C3orf70: variants seen among roughly 807,000 people sequenced by gnomAD.
C3orf70 encodes chromosome 3 open reading frame 70.
A neutral mutation model predicts 20.7 loss-of-function variants in C3orf70; 15 were observed. The ratio of observed to expected loss-of-function variants is 0.72; its 90% CI spans 0.48 to 1.11. C3orf70 has a LOEUF of 1.11. Among genes scored for constraint, C3orf70 ranks in the 50% most tolerant of loss-of-function variants. The pLI is 0.00. For synonymous variants in C3orf70, 161 were observed against 125.7 expected (o/e 1.28, Z -1.88); for missense variants, 332 against 317.6 (o/e 1.05, Z -0.34).
At chr3:185,134,989 G>A (rs1473462911) in intron 1 of C3orf70, among the ~76,000 whole-genome samples, 4 of 152,096 alleles carry the variant, frequency 2.6e-5, no homozygotes, top group Non-Finnish European at 5.9e-5. Flanking sequence ...TGAGGATGCA[G>A]CCCCTTCCCC....
intron 1 of C3orf70, among the ~76,000 whole-genome samples, chr3:185,146,864 G>T (rs976481891): frequency 6.6e-6 from 1 of 152,170 alleles, no homozygotes; most frequent in African/African-American, 2.4e-5. Context: ...CTAACGAAAA[G>T]AAGTATATTT....
intron 1 of C3orf70, among the ~76,000 whole-genome samples, chr3:185,149,406 A>AC (rs967953707): frequency 7.2e-5 from 11 of 151,866 alleles, no homozygotes; most frequent in African/African-American, 1.2e-4. Context: ...AAAAAAAAAA[A>AC]AAAAAACAGT....
chr3:185,099,392 A>AG (rs1201677982), intron 1 of C3orf70, among the ~76,000 whole-genome samples: 3 of 152,242 alleles, frequency 2.0e-5, no homozygotes, highest in African/African-American at 7.2e-5. Context: ...AAACTCTACA[A>AG]GCCAGAAGAG....
At position 185,083,215 on chromosome 3, in the gene C3orf70, G is replaced by C. The variant is rs1422580197; in HGVS notation, c.545C>G (p.Ser182Cys). The C allele has an allele frequency of 6.2e-7, 1 of 1,614,070 alleles. No individual in the cohort carries two copies. The highest frequency in any genetic ancestry group is 8.5e-7 in the Non-Finnish European group (1 of 1,180,036). ...AGAGTCCTCAGAACTTGAGGGAGAA[G>C]AGCAGTGATCTATTTTTGGTGTATT... ...ESNTPKIDHC[S>C]SPSSSEDSGI... Residue 182 changes from serine (S) to cysteine (C), a missense_variant, in exon 2 of 2, where the codon TCT becomes TGT. Transcript: ENST00000335012.
At chr3:185,149,107 T>C (rs1177932748) in intron 1 of C3orf70, among the ~76,000 whole-genome samples, 2 of 152,130 alleles carry the variant, frequency 1.3e-5, no homozygotes, top group Non-Finnish European at 2.9e-5. Context: ...GTAAATACAG[T>C]ATGGGCTGGG....
intron 1 of C3orf70, among the ~76,000 whole-genome samples, chr3:185,084,692 G>C (rs778928548): frequency 5.9e-5 from 9 of 152,120 alleles, no homozygotes; most frequent in Middle Eastern, 3.2e-3. Flanking sequence ...AGTTGACATG[G>C]AAGTAAAACC....
chr3:185,079,334 A>G lies in C3orf70; in HGVS notation c.*3673T>C, dbSNP rs1407345134. 6.6e-6 allele frequency: 1 copy of G among 151,190 alleles called. No individual in the cohort carries two copies. Among genetic ancestry groups the G allele is most frequent in the Admixed American group, 6.6e-5 (1 of 15,182 alleles). The allele number at this position is 151,190 out of a possible 1,614,324, so 9.4% of individuals were successfully genotyped here. On this transcript the variant is annotated 3_prime_UTR_variant, in exon 2 of 2. Coordinates refer to ENST00000335012, the MANE Select transcript of C3orf70 (RefSeq NM_001025266.3). Reference sequence around the variant, plus strand: ...AGCCACCACTCCCAAGATAGAATCAAATCCAAAAAGTATTTCAGGAAAGCA... The same window carrying G: ...AGCCACCACTCCCAAGATAGAATCAGATCCAAAAAGTATTTCAGGAAAGCA...
chr3:185,091,947 ATATATATATATATATATTT>A (rs1395542881), intron 1 of C3orf70, among the ~76,000 whole-genome samples: 175 of 14,118 alleles, frequency 0.012, 15 homozygotes, highest in East Asian at 0.036. Context: ...ATATATATAT[ATATATATATATATATATTT>A]TTTTTTTTTT....
chr3:185,103,409 C>G (rs1715859439), intron 1 of C3orf70, among the ~76,000 whole-genome samples: 1 of 151,994 alleles, frequency 6.6e-6, no homozygotes, highest in Non-Finnish European at 1.5e-5. Flanking sequence ...ACGGAGTAAA[C>G]AGACCACATA....
intron 1 of C3orf70, among the ~76,000 whole-genome samples, chr3:185,143,809 G>C (rs962515014): frequency 4.6e-5 from 7 of 152,104 alleles, no homozygotes; most frequent in Non-Finnish European, 1.0e-4. Flanking sequence ...CATAGGATGA[G>C]CTCTATAATA....
chr3:185,118,022 A>G (rs1716218229), intron 1 of C3orf70, among the ~76,000 whole-genome samples: 1 of 152,196 alleles, frequency 6.6e-6, no homozygotes. Context: ...TGCATTTATC[A>G]CAACTATAGT....
chr3:185,124,405 G>A (rs67800583), intron 1 of C3orf70, among the ~76,000 whole-genome samples: 18,492 of 152,212 alleles, frequency 0.12, 1,553 homozygotes, highest in African/African-American at 0.23. Context: ...AATGAACAGT[G>A]AAGTTGGAAG....
intron 1 of C3orf70, among the ~76,000 whole-genome samples, chr3:185,148,482 T>A (rs1236459069): frequency 6.6e-6 from 1 of 152,126 alleles, no homozygotes; most frequent in East Asian, 1.9e-4. Context: ...ACCTCAAATA[T>A]CTCTCAAATA....
rs533247381 is a variant in C3orf70, at chr3:185,125,102, G to A, written c.196+27526C>T. ...CACCACTTTGAAAAACAGTTTGGCCGGGCGCAGTGGCTCACGCCTGCAATC... is the reference window on the plus strand; with the variant it reads ...CACCACTTTGAAAAACAGTTTGGCCAGGCGCAGTGGCTCACGCCTGCAATC... On this transcript the variant is annotated intron_variant, in intron 1 of 1. Transcript: ENST00000335012. Among the ~76,000 whole-genome samples the A allele has an allele frequency of 5.9e-5, 9 of 152,210 alleles. 1 individual carries two copies. In the South Asian group the frequency reaches 6.2e-4, roughly 11 times the overall value.
intron 1 of C3orf70, among the ~76,000 whole-genome samples, chr3:185,146,032 G>A (rs1716867512): frequency 1.3e-5 from 2 of 151,908 alleles, no homozygotes; most frequent in South Asian, 4.2e-4. Flanking sequence ...TCTATCTCTG[G>A]AAGAACCTAT....
intron 1 of C3orf70, among the ~76,000 whole-genome samples, chr3:185,119,595 G>C (rs17223051): frequency 0.31 from 47,149 of 151,992 alleles, 8,627 homozygotes; most frequent in Non-Finnish European, 0.43. Context: ...AACTGAAAAG[G>C]CATGTCTAAA....
At chr3:185,149,422 C>T (rs1716944968) in intron 1 of C3orf70, among the ~76,000 whole-genome samples, 1 of 146,118 alleles carries the variant, frequency 6.8e-6, no homozygotes, top group South Asian at 2.2e-4. Flanking sequence ...ACAGTAAATA[C>T]AGTATGATTG....
In C3orf70 at chr3:185,113,802, T is replaced by C. The variant is rs114973941; in HGVS notation, c.197-30239A>G. Among the ~76,000 whole-genome samples the C allele has an allele frequency of 2.5e-3, 386 of 152,340 alleles. 1 individual carries two copies. Among genetic ancestry groups the C allele is most frequent in the African/African-American group, 9.1e-3 (379 of 41,580 alleles). ...GGGAAGGGGGAGGTACATGGCTTAG[T>C]ACCTGGAATATAATAGGTCCTGTCC... On this transcript the variant is annotated intron_variant, in intron 1 of 1. Transcript: ENST00000335012.
At chr3:185,117,458 G>GAA (rs1475583974) in intron 1 of C3orf70, among the ~76,000 whole-genome samples, 130 of 149,606 alleles carry the variant, frequency 8.7e-4, no homozygotes, top group African/African-American at 3.1e-3. Flanking sequence ...CACAGAAAGA[G>GAA]AGAGAGAGAG....
Sources: allele counts gnomAD v4.1 joint callset (sites outside exome capture counted in the v4.1 genomes callset), GRCh38; gene constraint gnomAD v4.1.1; transcripts MANE v1.5; gene names NCBI Gene and HGNC (gene_info 2026-07-23, HGNC 2026-07-21).